LPAR3: variants seen among roughly 807,000 people sequenced by gnomAD.
LPAR3 encodes lysophosphatidic acid receptor 3.
In LPAR3, 7 loss-of-function variants were observed where a neutral mutation model predicts 17.8. That is an observed-to-expected ratio of 0.39 (90% CI 0.22 to 0.74). The LOEUF (loss-of-function observed/expected upper bound fraction) is 0.74, where lower values mean the gene tolerates loss of function less well. Among genes scored for constraint, LPAR3 ranks in the 30% least tolerant of loss-of-function variants. The pLI is 0.40. For missense variants in LPAR3, 391 were observed against 453.4 expected, an observed-to-expected ratio of 0.86 and a Z score of 1.25; for synonymous variants, 179 against 179.9, an observed-to-expected ratio of 0.99 and a Z score of 0.04.
intron 1 of LPAR3, among the ~76,000 whole-genome samples, chr1:84,878,031 A>AG (rs35435953): frequency 6.6e-6 from 1 of 151,608 alleles, no homozygotes; most frequent in Non-Finnish European, 1.5e-5. Context: ...AAAAAAAAAA[A>AG]GGCTGAGAAA....
At chr1:84,833,424 C>T (rs920323089) in intron 2 of LPAR3, among the ~76,000 whole-genome samples, 2 of 152,114 alleles carry the variant, frequency 1.3e-5, no homozygotes, top group Non-Finnish European at 1.5e-5. Context: ...AAAACAGAGA[C>T]AATAAATCCC....
chr1:84,832,543 G>T (rs1050440889), intron 2 of LPAR3, among the ~76,000 whole-genome samples: 1 of 152,182 alleles, frequency 6.6e-6, no homozygotes, highest in Non-Finnish European at 1.5e-5. Flanking sequence ...TGTAGGGGCA[G>T]GGTCATGAAG....
chr1:84,817,765 T>TC lies in LPAR3; in HGVS notation c.737-3595dup, dbSNP rs972893348. ...GTTGGATTCCTTTGGATTCCTTCCCTCCTTCCATCTCTCCCTCCCTTTCTT... is the reference window on the plus strand; with the variant it reads ...GTTGGATTCCTTTGGATTCCTTCCCTCCCTTCCATCTCTCCCTCCCTTTCTT... On this transcript the variant is annotated intron_variant, in intron 2 of 2. Coordinates refer to ENST00000370611, the MANE Select transcript of LPAR3 (RefSeq NM_012152.3). 4.7e-4 allele frequency among the ~76,000 whole-genome samples: 70 copies of TC among 147,912 alleles called. 1 individual carries two copies. The highest frequency in any genetic ancestry group is 3.9e-3 in the Admixed American group (58 of 14,762).
chr1:84,848,380 T>C (rs1345822941), intron 2 of LPAR3, among the ~76,000 whole-genome samples: 3 of 152,178 alleles, frequency 2.0e-5, no homozygotes, highest in Admixed American at 2.0e-4. Context: ...GGTCGGTTCT[T>C]AGCACTGTCC....
chr1:84,837,564 A>T (rs146153720), intron 2 of LPAR3, among the ~76,000 whole-genome samples: 1 of 152,344 alleles, frequency 6.6e-6, no homozygotes, highest in East Asian at 1.9e-4. Context: ...GAAGTTTCTC[A>T]TTATAAAACA....
At chr1:84,875,951 C>A (rs1660248408) in intron 1 of LPAR3, among the ~76,000 whole-genome samples, 1 of 152,186 alleles carries the variant, frequency 6.6e-6, no homozygotes, top group African/African-American at 2.4e-5. Flanking sequence ...TTCTGGAGAT[C>A]ATACACACCC....
chr1:84,847,521 C>A (rs1659614562), intron 2 of LPAR3, among the ~76,000 whole-genome samples: 1 of 152,216 alleles, frequency 6.6e-6, no homozygotes, highest in African/African-American at 2.4e-5. Flanking sequence ...GTGCCTGGAG[C>A]CAGTTGGAGT....
intron 2 of LPAR3, among the ~76,000 whole-genome samples, chr1:84,852,274 T>G (rs1462549581): frequency 2.0e-5 from 3 of 152,102 alleles, no homozygotes; most frequent in Non-Finnish European, 4.4e-5. Context: ...GTAGATGGGG[T>G]TTCACCATGT....
At chr1:84,878,228 G>C (rs1178733212) in intron 1 of LPAR3, among the ~76,000 whole-genome samples, 2 of 151,902 alleles carry the variant, frequency 1.3e-5, no homozygotes, top group East Asian at 3.9e-4. Context: ...TCTGTTTACA[G>C]TCCTTATTTT....
chr1:84,862,562 A>G (rs1452225935), intron 2 of LPAR3, among the ~76,000 whole-genome samples: 2 of 152,228 alleles, frequency 1.3e-5, no homozygotes, highest in African/African-American at 4.8e-5. Context: ...CACTTAGGAC[A>G]ATGCTTGGCA....
chr1:84,811,905 C>T lies in LPAR3; in HGVS notation c.*1941G>A, dbSNP rs904842281. The T allele has an allele frequency of 6.6e-6, 1 of 152,092 alleles. No individual in the cohort carries two copies. The highest frequency in any genetic ancestry group is 1.5e-5 in the Non-Finnish European group (1 of 68,016). The allele number at this position is 152,092 out of a possible 1,614,324, so 9.4% of individuals were successfully genotyped here. On this transcript the variant is annotated 3_prime_UTR_variant, in exon 3 of 3. Transcript: ENST00000370611. ...CACTCTAAATGTTTTACATAGAAAA[C>T]TCTCGTTGGTAGCCTGTGTGTATGA...
In LPAR3 at chr1:84,887,814, C is replaced by T. The variant is rs1202900171; in HGVS notation, c.-19+5202G>A. Among the ~76,000 whole-genome samples, 5 of 152,132 alleles carry T rather than the reference C, an allele frequency of 3.3e-5. No individual in the cohort carries two copies. The East Asian group carries it at 9.6e-4, about 29-fold the overall frequency. On this transcript the variant is annotated intron_variant, in intron 1 of 2. Transcript: ENST00000370611. ...CATCCTACAGCATGTAGGACCTATA[C>T]AACTGCAAACACTTTAGGAACAGGG... is the stretch of plus-strand genomic sequence containing the variant.
rs1202949946 is a variant in LPAR3, at chr1:84,893,079, C to A, written c.-82G>T. 1 of 151,986 alleles carries A rather than the reference C, an allele frequency of 6.6e-6. No homozygotes were observed. Among genetic ancestry groups the A allele is most frequent in the Non-Finnish European group, 1.5e-5 (1 of 67,984 alleles). 9.4% of individuals were successfully genotyped at this position (151,986 alleles called of 1,614,324 possible). A position where few individuals can be genotyped will look rare whatever the true frequency, so the allele number is the denominator to read the frequency against. On this transcript the variant is annotated 5_prime_UTR_variant, in exon 1 of 3. Coordinates refer to ENST00000370611, the MANE Select transcript of LPAR3 (RefSeq NM_012152.3). ...GGCCCCTGCGGCTGCCGCATGCCCT[C>A]GGGGTCGAGCGCGACGGGGCGACCG...
intron 2 of LPAR3, among the ~76,000 whole-genome samples, chr1:84,816,884 C>G (rs1658942587): frequency 6.6e-6 from 1 of 152,170 alleles, no homozygotes. Context: ...TTGTACTCTT[C>G]CATTTGTTTT....
chr1:84,889,401 G>T (rs1293967594), intron 1 of LPAR3, among the ~76,000 whole-genome samples: 1 of 152,130 alleles, frequency 6.6e-6, no homozygotes, highest in South Asian at 2.1e-4. Flanking sequence ...CCAATACATT[G>T]TCCAACATTG....
intron 2 of LPAR3, among the ~76,000 whole-genome samples, chr1:84,838,888 G>A (rs779528981): frequency 2.6e-5 from 4 of 152,058 alleles, no homozygotes; most frequent in African/African-American, 9.7e-5. Context: ...GCAGTGCCCC[G>A]GACTGGCCCT....
chr1:84,889,292 G>A (rs11804110), intron 1 of LPAR3, among the ~76,000 whole-genome samples: 1 of 152,098 alleles, frequency 6.6e-6, no homozygotes, highest in African/African-American at 2.4e-5. Context: ...ATTTGGGGGT[G>A]GGGGAGCAAT....
At chr1:84,817,620 T>C (rs575104167) in intron 2 of LPAR3, among the ~76,000 whole-genome samples, 3 of 152,172 alleles carry the variant, frequency 2.0e-5, no homozygotes, top group Non-Finnish European at 4.4e-5. Context: ...CTAGTATGTT[T>C]GTGCTGTTCT....
intron 2 of LPAR3, among the ~76,000 whole-genome samples, chr1:84,842,873 G>C (rs904097955): frequency 6.6e-6 from 1 of 152,032 alleles, no homozygotes; most frequent in Non-Finnish European, 1.5e-5. Context: ...ACTCTTGGAG[G>C]AGAGCAAAGA....
Sources: allele counts gnomAD v4.1 joint callset (sites outside exome capture counted in the v4.1 genomes callset), GRCh38; gene constraint gnomAD v4.1.1; transcripts MANE v1.5; gene names NCBI Gene and HGNC (gene_info 2026-07-23, HGNC 2026-07-21).